The following GRK2 variants were observed in gnomAD, a reference collection of about 807,000 sequenced individuals.
The protein encoded by GRK2 is G protein-coupled receptor kinase 2.
GRK2 carries 23 observed loss-of-function variants against 97.8 expected under a neutral mutation model. That is an observed-to-expected ratio of 0.24 (90% CI 0.17 to 0.33). The LOEUF (loss-of-function observed/expected upper bound fraction) is 0.33, where lower values mean the gene tolerates loss of function less well. Among genes scored for constraint, GRK2 ranks in the 10% least tolerant of loss-of-function variants. The probability of loss-of-function intolerance (pLI) is 1.00; values close to 1 mark genes in which losing one functional copy is unlikely to be tolerated. For synonymous variants in GRK2, 425 were observed against 381.7 expected (o/e 1.11, Z -1.32); for missense variants, 633 against 956.9 (o/e 0.66, Z 4.47).
chr11:67,278,609 C>T (rs1319272474), intron 2 of GRK2, among the ~76,000 whole-genome samples: 1 of 152,198 alleles, frequency 6.6e-6, no homozygotes, highest in Non-Finnish European at 1.5e-5. Context: ...GCCCTAGTTT[C>T]CCCAACTGGA....
At position 67,281,299 on chromosome 11, in the gene GRK2, G is replaced by C; in HGVS notation, c.647+115G>C. 1.8e-6 allele frequency: 2 copies of C among 1,111,852 alleles called. No homozygotes were observed. The highest frequency in any genetic ancestry group is 2.6e-6 in the Non-Finnish European group (2 of 757,874). 68.9% of individuals were successfully genotyped at this position (1,111,852 alleles called of 1,614,324 possible). On this transcript the variant is annotated intron_variant, in intron 8 of 20. Transcript: ENST00000308595. This position sits in a 1 kb window ranked among gnomAD's most constrained non-coding sequence, Gnocchi z 5.7. Reference sequence around the variant, plus strand: ...CTGCTCCATGCACTCCTGTCTTGCCGTGCTGTTACCCCCGCAGGCTCCTCT... The same window carrying C: ...CTGCTCCATGCACTCCTGTCTTGCCCTGCTGTTACCCCCGCAGGCTCCTCT...
chr11:67,280,986 T>C (rs1860136141), intron 7 of GRK2, 107 bp from the exon 8 acceptor site: 2 of 1,154,062 alleles, frequency 1.7e-6, no homozygotes, highest in Non-Finnish European at 2.5e-6. Flanking sequence ...GGCCAGGACA[T>C]GGGTATGGGG....
chr11:67,286,434 C>A lies in GRK2; in HGVS notation c.*984C>A. On this transcript the variant is annotated 3_prime_UTR_variant, in exon 21 of 21. Transcript: ENST00000308595. ...GTGTCGCGCCTTCTCCCCCCCGGGGCTGGGTTGGCGCACCCTCCCCTCCCG... is the reference window on the plus strand; with the variant it reads ...GTGTCGCGCCTTCTCCCCCCCGGGGATGGGTTGGCGCACCCTCCCCTCCCG... 1 of 699,842 alleles carries A rather than the reference C, an allele frequency of 1.4e-6. No individual in the cohort carries two copies. Among genetic ancestry groups the A allele is most frequent in the East Asian group, 2.7e-5 (1 of 37,184 alleles). 43.4% of individuals were successfully genotyped at this position (699,842 alleles called of 1,614,324 possible). A position where few individuals can be genotyped will look rare whatever the true frequency, so the allele number is the denominator to read the frequency against.
intron 1 of GRK2, among the ~76,000 whole-genome samples, chr11:67,268,740 C>T (rs563613362): frequency 3.9e-5 from 6 of 152,300 alleles, no homozygotes; most frequent in South Asian, 2.1e-4. Context: ...GTAGTGATGG[C>T]GGTGATAGCA....
intron 1 of GRK2, 179 bp from the exon 2 acceptor site, chr11:67,277,093 G>A (rs1370152136): frequency 3.7e-6 from 2 of 545,014 alleles, no homozygotes; most frequent in Non-Finnish European, 6.4e-6. Flanking sequence ...TGCAGGCAAA[G>A]GCTTCCTTGA....
intron 1 of GRK2, 193 bp from the exon 2 acceptor site, chr11:67,277,079 G>A: frequency 4.0e-6 from 2 of 506,176 alleles, no homozygotes; most frequent in Non-Finnish European, 7.0e-6. Flanking sequence ...CCTGGCGGGG[G>A]CGGTGCAGGC....
At chr11:67,279,150 A>G in intron 2 of GRK2, 50 bp from the exon 3 acceptor site, 1 of 1,458,378 alleles carries the variant, frequency 6.9e-7, no homozygotes, top group South Asian at 1.1e-5. Context: ...CAATGATGGG[A>G]AGGCCTCTGA....
Position 67,281,610 on chromosome 11 carries a change from C to T in GRK2, c.748-40C>T, listed in dbSNP as rs1376315840. 24 of 1,608,832 alleles carry T rather than the reference C, an allele frequency of 1.5e-5. No individual in the cohort carries two copies. Among genetic ancestry groups the T allele is most frequent in the Non-Finnish European group, 1.9e-5 (22 of 1,176,100 alleles). ...TGAGGCTCTGGAACCCCGGGCGCCC[C>T]TGCTAACTGCCCGCCCCCTCCCCTC... is the stretch of plus-strand genomic sequence containing the variant. On this transcript the variant is annotated intron_variant, in intron 9 of 20. Coordinates refer to ENST00000308595, the MANE Select transcript of GRK2 (RefSeq NM_001619.5). This position sits in a 1 kb window ranked among gnomAD's most constrained non-coding sequence, Gnocchi z 5.7.
At chr11:67,285,251 G>C (rs1004317768) in intron 20 of GRK2, 35 bp from the exon 21 acceptor site, 1 of 1,609,744 alleles carries the variant, frequency 6.2e-7, no homozygotes, top group Non-Finnish European at 8.5e-7. Context: ...GCTGGGGAGA[G>C]CCCCAGCTGA....
Position 67,285,358 on chromosome 11 carries a change from C to T in GRK2, c.1978C>T (p.Arg660Trp), listed in dbSNP as rs764931970. 9 of 1,610,030 alleles carry T rather than the reference C, an allele frequency of 5.6e-6. No homozygotes were observed. Among genetic ancestry groups the T allele is most frequent in the East Asian group, 2.2e-5 (1 of 44,846 alleles). Reference sequence around the variant, plus strand: ...CCGCGAGGCCCAGCAGCTGGTGCAGCGGGTGCCCAAGATGAAGAACAAGCC... The same window carrying T: ...CCGCGAGGCCCAGCAGCTGGTGCAGTGGGTGCCCAAGATGAAGAACAAGCC... ...AYREAQQLVQ[R>W]VPKMKNKPRS... The change falls in exon 21 of 21, where the codon CGG becomes TGG. Residue 660 changes from arginine to tryptophan, a missense_variant. Arg to Trp is a moderately radical substitution (Grantham distance 101, BLOSUM62 -3). Around this residue, in one of 4 missense-constraint regions of GRK2, gnomAD observed 180 missense variants for 311.3 expected, o/e 0.58. Coordinates refer to ENST00000308595, the MANE Select transcript of GRK2 (RefSeq NM_001619.5).
In GRK2 at chr11:67,274,495, C is replaced by CTTTTTTTTTTTTTTTTTTTTT. The variant is rs57767154; in HGVS notation, c.114-2770_114-2750dup. Among the ~76,000 whole-genome samples the CTTTTTTTTTTTTTTTTTTTTT allele has an allele frequency of 9.7e-3, 217 of 22,478 alleles. 30 individuals carry two copies. Among genetic ancestry groups the CTTTTTTTTTTTTTTTTTTTTT allele is most frequent in the South Asian group, 0.032 (9 of 282 alleles). The allele number at this position is 22,478 out of a possible 152,430, so 14.7% of individuals were successfully genotyped here. A position where few individuals can be genotyped will look rare whatever the true frequency, so the allele number is the denominator to read the frequency against. On this transcript the variant is annotated intron_variant, in intron 1 of 20. Coordinates refer to ENST00000308595, the MANE Select transcript of GRK2 (RefSeq NM_001619.5). Reference sequence around the variant, plus strand: ...TCGCTACCTTCCGCTTGACCAGCACCTTTTTTTTTTTTTTTTTTTTTTTTT... The same window carrying CTTTTTTTTTTTTTTTTTTTTT: ...TCGCTACCTTCCGCTTGACCAGCACCTTTTTTTTTTTTTTTTTTTTTTTTTTTTTTTTTTTTTTTTTTTTTT...
chr11:67,271,574 G>C (rs1859909021), intron 1 of GRK2, among the ~76,000 whole-genome samples: 1 of 152,222 alleles, frequency 6.6e-6, no homozygotes, highest in African/African-American at 2.4e-5. Flanking sequence ...GCAGGGTGTG[G>C]GTGCTCATGT....
At position 67,272,361 on chromosome 11, in the gene GRK2, C is replaced by A. The variant is rs75867759; in HGVS notation, c.114-4911C>A. ...CGAACTCATTGTGGGCCTCGGAGCACGTGGCCCAGCCAGCTTCCTTGCCAT... is the reference window on the plus strand; with the variant it reads ...CGAACTCATTGTGGGCCTCGGAGCAAGTGGCCCAGCCAGCTTCCTTGCCAT... On this transcript the variant is annotated intron_variant, in intron 1 of 20. Coordinates refer to ENST00000308595, the MANE Select transcript of GRK2 (RefSeq NM_001619.5). Among the ~76,000 whole-genome samples, 222 of 152,234 alleles carry A rather than the reference C, an allele frequency of 1.5e-3. 4 individuals carry two copies. The East Asian group carries it at 0.039, about 27-fold the overall frequency.
At chr11:67,272,805 T>C (rs1859938227) in intron 1 of GRK2, among the ~76,000 whole-genome samples, 1 of 152,238 alleles carries the variant, frequency 6.6e-6, no homozygotes, top group South Asian at 2.1e-4. Flanking sequence ...ATGCAGTGCC[T>C]GAAGCTGGTC....
chr11:67,282,568 G>A lies in GRK2; in HGVS notation c.1160+26G>A. ...GTGAGTGGCCCATCCCAGGTGGGCA[G>A]GTGGGTTGGGGCTAAGAGAAGTTCC... On this transcript the variant is annotated intron_variant, in intron 13 of 20. Transcript: ENST00000308595. The surrounding 1 kb of genome is among the most constrained non-coding windows in gnomAD (Gnocchi z 6.9). 1 of 1,604,472 alleles carries A rather than the reference G, an allele frequency of 6.2e-7. No individual in the cohort carries two copies. Among genetic ancestry groups the A allele is most frequent in the East Asian group, 2.2e-5 (1 of 44,848 alleles).
chr11:67,280,883 G>A (rs924212494), intron 7 of GRK2, 100 bp downstream of exon 7: 3 of 1,415,736 alleles, frequency 2.1e-6, no homozygotes, highest in African/African-American at 1.4e-5. Context: ...GTCAGGGGAT[G>A]TCTGTCCTTT....
At chr11:67,278,353 TCGGGGGC>T (rs1359356040) in intron 2 of GRK2, among the ~76,000 whole-genome samples, 2 of 152,136 alleles carry the variant, frequency 1.3e-5, no homozygotes, top group East Asian at 3.8e-4. Flanking sequence ...CTGGTAGTGC[TCGGGGGC>T]CGGGGTCCAG....
At chr11:67,274,811 T>G (rs1301370908) in intron 1 of GRK2, among the ~76,000 whole-genome samples, 1 of 152,160 alleles carries the variant, frequency 6.6e-6, no homozygotes, top group Non-Finnish European at 1.5e-5. Flanking sequence ...AAACATGTCC[T>G]TGACGGTGGC....
chr11:67,281,362 C>A lies in GRK2; in HGVS notation c.648-97C>A. On this transcript the variant is annotated intron_variant, in intron 8 of 20. Coordinates refer to ENST00000308595, the MANE Select transcript of GRK2 (RefSeq NM_001619.5). This position sits in a 1 kb window ranked among gnomAD's most constrained non-coding sequence, Gnocchi z 5.7. ...CCCTGTCTCTGATTTGTGTCACACG[C>A]TGGTCCTGGGTCTAGTCTTTCCCTC... 1 of 1,234,326 alleles carries A rather than the reference C, an allele frequency of 8.1e-7. No individual in the cohort carries two copies. Among genetic ancestry groups the A allele is most frequent in the Non-Finnish European group, 1.2e-6 (1 of 853,700 alleles). 76.5% of individuals were successfully genotyped at this position (1,234,326 alleles called of 1,614,324 possible).
Sources: allele counts gnomAD v4.1 joint callset (sites outside exome capture counted in the v4.1 genomes callset), GRCh38; gene constraint gnomAD v4.1.1; regional missense constraint gnomAD v4.1.1; non-coding constraint Gnocchi (gnomAD v3.1); transcripts MANE v1.5; gene names NCBI Gene and HGNC (gene_info 2026-07-23, HGNC 2026-07-21).